The following ZNF407 variants were observed in gnomAD, a reference collection of about 807,000 sequenced individuals.
ZNF407 encodes zinc finger protein 407.
A neutral mutation model predicts 131.2 loss-of-function variants in ZNF407; 17 were observed. The observed-to-expected ratio is 0.13, with a 90% CI of 0.09 to 0.19. The LOEUF (loss-of-function observed/expected upper bound fraction) is 0.19, where lower values mean the gene tolerates loss of function less well. ZNF407 is among the 10% of genes least tolerant of loss of function. ZNF407 has a pLI of 1.00. For synonymous variants in ZNF407, 1,156 were observed against 1,062.0 expected (o/e 1.09, Z -1.72); for missense variants, 2,681 against 2,830.6 (o/e 0.95, Z 1.20).
chr18:75,044,250 C>T lies in ZNF407; in HGVS notation c.5429-18900C>T, dbSNP rs188834654. Among the ~76,000 whole-genome samples the T allele has an allele frequency of 4.3e-3, 654 of 151,464 alleles. 9 individuals carry two copies. The highest frequency in any genetic ancestry group is 0.017 in the South Asian group (82 of 4,806). ...TATAGCAGCACTTGGGGGAAAGTCT[C>T]GCCTGTTGAAAAAAAACACTATATT... On this transcript the variant is annotated intron_variant, in intron 8 of 8. Transcript: ENST00000299687.
intron 3 of ZNF407, among the ~76,000 whole-genome samples, chr18:74,712,271 T>C (rs950097230): frequency 3.3e-5 from 5 of 152,184 alleles, no homozygotes; most frequent in Non-Finnish European, 5.9e-5. Context: ...TACTGGAAAA[T>C]GGGATTAGTT....
intron 3 of ZNF407, among the ~76,000 whole-genome samples, chr18:74,686,056 G>T (rs1343731424): frequency 1.3e-5 from 2 of 152,160 alleles, no homozygotes; most frequent in Non-Finnish European, 2.9e-5. Flanking sequence ...AATCAAATGC[G>T]TTACATATAG....
chr18:74,807,511 C>G (rs1041812217), intron 4 of ZNF407, among the ~76,000 whole-genome samples: 1 of 152,188 alleles, frequency 6.6e-6, no homozygotes, highest in African/African-American at 2.4e-5. Context: ...GTATTTCAAA[C>G]TTCTGTATCC....
intron 8 of ZNF407, among the ~76,000 whole-genome samples, chr18:75,010,887 C>G (rs1399432445): frequency 1.3e-5 from 2 of 152,130 alleles, no homozygotes; most frequent in Non-Finnish European, 1.5e-5. Flanking sequence ...AAATGCTGCC[C>G]TGTCATACTA....
intron 8 of ZNF407, among the ~76,000 whole-genome samples, chr18:75,024,044 A>T (rs1024047623): frequency 6.6e-6 from 1 of 152,192 alleles, no homozygotes; most frequent in African/African-American, 2.4e-5. Flanking sequence ...AGCATGTGGG[A>T]GTCTCAAGCT....
At chr18:74,710,706 T>A (rs1386454471) in intron 3 of ZNF407, among the ~76,000 whole-genome samples, 2 of 152,234 alleles carry the variant, frequency 1.3e-5, no homozygotes, top group Admixed American at 6.5e-5. Context: ...ATGCTTTTTT[T>A]TCTTTAAAAA....
chr18:74,641,674 G>T (rs1454209217), intron 3 of ZNF407, among the ~76,000 whole-genome samples: 4 of 152,088 alleles, frequency 2.6e-5, no homozygotes, highest in African/African-American at 9.7e-5. Flanking sequence ...TTAGTTAATG[G>T]TTCTTTCTCT....
At chr18:74,661,839 G>A (rs1322805326) in intron 3 of ZNF407, among the ~76,000 whole-genome samples, 1 of 152,184 alleles carries the variant, frequency 6.6e-6, no homozygotes, top group African/African-American at 2.4e-5. Flanking sequence ...AAATTTGGCT[G>A]AGAGTGCTGC....
chr18:74,951,218 C>A (rs570027545), intron 8 of ZNF407, among the ~76,000 whole-genome samples: 13 of 152,090 alleles, frequency 8.5e-5, no homozygotes, highest in African/African-American at 3.1e-4. Context: ...TTTAAATAGA[C>A]GTAAGCAGAA....
At chr18:74,723,394 G>A (rs540202443) in intron 3 of ZNF407, among the ~76,000 whole-genome samples, 2 of 152,254 alleles carry the variant, frequency 1.3e-5, no homozygotes, top group Admixed American at 6.5e-5. Flanking sequence ...ATGTTGTACG[G>A]ACTCTGGATT....
chr18:74,944,695 G>A (rs116072657), intron 8 of ZNF407, among the ~76,000 whole-genome samples: 1,689 of 152,226 alleles, frequency 0.011, 30 homozygotes, highest in African/African-American at 0.037. Context: ...CTGTTGATCC[G>A]AATAGATGCC....
At chr18:74,755,600 T>C (rs1310974410) in intron 3 of ZNF407, among the ~76,000 whole-genome samples, 5 of 73,764 alleles carry the variant, frequency 6.8e-5, no homozygotes, top group Non-Finnish European at 1.4e-4. Context: ...TTTTTTTTTT[T>C]TTTTCTGAGA....
At chr18:75,015,726 G>A (rs1356961873) in intron 8 of ZNF407, among the ~76,000 whole-genome samples, 2 of 151,544 alleles carry the variant, frequency 1.3e-5, no homozygotes, top group Non-Finnish European at 2.9e-5. Context: ...CTAATTTACT[G>A]CTATAGTTCT....
rs1967547303 is a variant in ZNF407, at chr18:74,703,434, T to G, written c.4802+62312T>G. On this transcript the variant is annotated intron_variant, in intron 3 of 8. Transcript: ENST00000299687. This position sits in a 1 kb window ranked among gnomAD's most constrained non-coding sequence, Gnocchi z 4.1. ...CAGGCTGGAGTGCAATGGTGCAATC[T>G]CGGCTCACCGCAACCTCCACCTTCT... Among the ~76,000 whole-genome samples, 1 of 152,152 alleles carries G rather than the reference T, an allele frequency of 6.6e-6. No individual in the cohort carries two copies. The highest frequency in any genetic ancestry group is 2.4e-5 in the African/African-American group (1 of 41,436).
At chr18:75,034,545 G>A (rs557669698) in intron 8 of ZNF407, among the ~76,000 whole-genome samples, 8 of 151,018 alleles carry the variant, frequency 5.3e-5, no homozygotes, top group East Asian at 2.0e-4. Context: ...CTCGTGATCC[G>A]CCCGTCTCGG....
chr18:74,962,186 C>A (rs539821964), intron 8 of ZNF407, among the ~76,000 whole-genome samples: 1 of 152,248 alleles, frequency 6.6e-6, no homozygotes, highest in South Asian at 2.1e-4. Flanking sequence ...GGGACATTTT[C>A]ATGTCATTGA....
At chr18:74,849,729 GACTT>G (rs1335380677) in intron 4 of ZNF407, among the ~76,000 whole-genome samples, 1 of 152,212 alleles carries the variant, frequency 6.6e-6, no homozygotes, top group African/African-American at 2.4e-5. Flanking sequence ...GATTCCCTGA[GACTT>G]ACCACCATGG....
intron 4 of ZNF407, among the ~76,000 whole-genome samples, chr18:74,789,310 G>A (rs903195559): frequency 1.3e-4 from 20 of 152,156 alleles, no homozygotes; most frequent in Admixed American, 2.6e-4. Flanking sequence ...AGGTGTGGGA[G>A]AGCTTGGTGT....
At chr18:74,636,982 A>G (rs751401334) in intron 2 of ZNF407, among the ~76,000 whole-genome samples, 1 of 152,238 alleles carries the variant, frequency 6.6e-6, no homozygotes, top group African/African-American at 2.4e-5. Context: ...TAAGGCAGAT[A>G]AAACTGAATA....
Sources: gnomAD v4.1 joint callset for allele counts (sites outside exome capture counted in the v4.1 genomes callset) on GRCh38, gnomAD v4.1.1 for gene constraint, Gnocchi (gnomAD v3.1) non-coding constraint, MANE v1.5 for transcripts, NCBI Gene and HGNC (gene_info 2026-07-23, HGNC 2026-07-21) for gene names.